CFAP61: variants seen among roughly 807,000 people sequenced by gnomAD.
CFAP61 encodes the protein cilia and flagella associated protein 61, also known as cilia- and flagella-associated protein 61.
Under a neutral mutation model 135.6 loss-of-function variants are expected in CFAP61, and 107 were observed. That is an observed-to-expected ratio of 0.79 (90% CI 0.67 to 0.93). The LOEUF is 0.93. Ranked by LOEUF, CFAP61 falls within the 40% of genes least tolerant of loss-of-function variation. The probability of loss-of-function intolerance (pLI) is 0.00; values close to 1 mark genes in which losing one functional copy is unlikely to be tolerated. For missense variants in CFAP61, 1,507 were observed against 1,556.2 expected (o/e 0.97, Z 0.53); for synonymous variants, 575 against 578.5 (o/e 0.99, Z 0.09).
intron 7 of CFAP61, among the ~76,000 whole-genome samples, chr20:20,097,221 A>G (rs566568533): frequency 6.6e-6 from 1 of 152,230 alleles, no homozygotes; most frequent in South Asian, 2.1e-4. Context: ...GTTCTTGGGA[A>G]TAGAGAATGC....
At chr20:20,202,763 C>A (rs572126963) in intron 17 of CFAP61, among the ~76,000 whole-genome samples, 2 of 152,090 alleles carry the variant, frequency 1.3e-5, no homozygotes, top group African/African-American at 2.4e-5. Context: ...ACCGCCCCCC[C>A]GCCACAACCC....
intron 11 of CFAP61, among the ~76,000 whole-genome samples, 174 bp from the exon 12 acceptor site, chr20:20,166,222 AC>A (rs1288267407): frequency 3.9e-5 from 6 of 152,220 alleles, no homozygotes; most frequent in Admixed American, 2.6e-4. Flanking sequence ...ATACTTTATT[AC>A]TGACATACGA....
chr20:20,070,755 T>A, intron 2 of CFAP61, 99 bp from the exon 3 acceptor site: 3 of 1,035,682 alleles, frequency 2.9e-6, no homozygotes, highest in Non-Finnish European at 4.2e-6. Context: ...CCTCATGCAG[T>A]GGCTGCTGAG....
intron 8 of CFAP61, among the ~76,000 whole-genome samples, chr20:20,104,542 G>A (rs1176703290): frequency 6.6e-6 from 1 of 152,096 alleles, no homozygotes; most frequent in African/African-American, 2.4e-5. Context: ...TTTTAACATG[G>A]ATTCCAAACA....
intron 18 of CFAP61, chr20:20,228,585 C>T (rs2048907194): frequency 2.3e-6 from 1 of 426,320 alleles, no homozygotes; most frequent in Non-Finnish European, 4.3e-6. Flanking sequence ...TTGCCAACTG[C>T]TTTTGTAAAT....
intron 25 of CFAP61, among the ~76,000 whole-genome samples, chr20:20,340,218 G>A (rs1202440749): frequency 6.6e-6 from 1 of 152,172 alleles, no homozygotes; most frequent in East Asian, 1.9e-4. Flanking sequence ...TGTGTGGTTG[G>A]GAGAACACCA....
At position 20,228,190 on chromosome 20, in the gene CFAP61, G is replaced by A. The variant is rs979858103; in HGVS notation, c.1933-59G>A. 3 of 1,526,636 alleles carry A rather than the reference G, an allele frequency of 2.0e-6. No individual in the cohort carries two copies. In the African/African-American group the frequency reaches 4.1e-5, roughly 21 times the overall value. The allele number at this position is 1,526,636 out of a possible 1,614,324, so 94.6% of individuals were successfully genotyped here. A position where few individuals can be genotyped will look rare whatever the true frequency, so the allele number is the denominator to read the frequency against. ...AATTCTACATAGTTGCAAATTTGAG[G>A]GTATGAACACTGCTACGTTTTCTTT... On this transcript the variant is annotated intron_variant, in intron 17 of 26. Transcript: ENST00000245957.
At chr20:20,143,097 G>A (rs1363143770) in intron 9 of CFAP61, 149 bp downstream of exon 9, 7 of 587,860 alleles carry the variant, frequency 1.2e-5, no homozygotes, top group South Asian at 4.5e-5. Flanking sequence ...AGCACACCGC[G>A]AGCTGGGGGA....
chr20:20,224,464 C>A (rs903612076), intron 17 of CFAP61, among the ~76,000 whole-genome samples: 13 of 152,182 alleles, frequency 8.5e-5, no homozygotes, highest in African/African-American at 3.1e-4. Flanking sequence ...ATTTTAAAGT[C>A]ATTATGAGAG....
intron 12 of CFAP61, among the ~76,000 whole-genome samples, chr20:20,168,726 A>G (rs2146820306): frequency 6.6e-6 from 1 of 152,344 alleles, no homozygotes; most frequent in Middle Eastern, 3.4e-3. Flanking sequence ...AATAGAATGA[A>G]TGGCAGCCCT....
intron 7 of CFAP61, among the ~76,000 whole-genome samples, chr20:20,093,924 G>A (rs2047385118): frequency 1.3e-5 from 2 of 152,080 alleles, no homozygotes; most frequent in Admixed American, 6.5e-5. Flanking sequence ...CAGTCCTCCT[G>A]CCTCAGCCTC....
At chr20:20,335,467 T>C (rs1278440515) in intron 25 of CFAP61, among the ~76,000 whole-genome samples, 1 of 152,252 alleles carries the variant, frequency 6.6e-6, no homozygotes, top group East Asian at 1.9e-4. Context: ...GAAAGCCATA[T>C]GGCCAACTAT....
chr20:20,197,929 T>A (rs1353801176), intron 16 of CFAP61, among the ~76,000 whole-genome samples: 1 of 152,226 alleles, frequency 6.6e-6, no homozygotes, highest in African/African-American at 2.4e-5. Context: ...TGCCTTATTA[T>A]TAATATGTCT....
intron 13 of CFAP61, among the ~76,000 whole-genome samples, chr20:20,176,083 G>A (rs2054606707): frequency 6.6e-6 from 1 of 152,036 alleles, no homozygotes; most frequent in African/African-American, 2.4e-5. Flanking sequence ...CATTCATGCA[G>A]CCAACAAACA....
At chr20:20,123,546 A>G (rs942532822) in intron 8 of CFAP61, among the ~76,000 whole-genome samples, 29 of 151,634 alleles carry the variant, frequency 1.9e-4, no homozygotes, top group Non-Finnish European at 1.5e-5. Flanking sequence ...TTTGTCAAAG[A>G]TCAGTTGGCT....
chr20:20,207,366 G>C (rs2056901550), intron 17 of CFAP61, among the ~76,000 whole-genome samples: 1 of 152,184 alleles, frequency 6.6e-6, no homozygotes, highest in South Asian at 2.1e-4. Context: ...TCGGGTTCTT[G>C]CCACAACCCA....
chr20:20,186,622 G>A (rs2055519904), intron 13 of CFAP61, among the ~76,000 whole-genome samples: 1 of 152,124 alleles, frequency 6.6e-6, no homozygotes, highest in South Asian at 2.1e-4. Flanking sequence ...TAACAACCAA[G>A]TTCTTATCTT....
chr20:20,179,854 TA>T (rs1437218339), intron 13 of CFAP61, among the ~76,000 whole-genome samples: 2 of 152,204 alleles, frequency 1.3e-5, no homozygotes, highest in African/African-American at 4.8e-5. Context: ...ACACCTTACT[TA>T]CACCATATAC....
At chr20:20,347,573 G>T (rs572740707) in intron 26 of CFAP61, among the ~76,000 whole-genome samples, 1 of 152,160 alleles carries the variant, frequency 6.6e-6, no homozygotes, top group South Asian at 2.1e-4. Context: ...AGGATTATGA[G>T]AAAATGCCAT....
Sources: allele counts gnomAD v4.1 joint callset (sites outside exome capture counted in the v4.1 genomes callset), GRCh38; gene constraint gnomAD v4.1.1; transcripts MANE v1.5; gene names NCBI Gene and HGNC (gene_info 2026-07-23, HGNC 2026-07-21).